SCN8A: variants seen among roughly 807,000 people sequenced by gnomAD.
The protein encoded by SCN8A is sodium voltage-gated channel alpha subunit 8, also known as sodium channel protein type 8 subunit alpha.
A neutral mutation model predicts 184.1 loss-of-function variants in SCN8A; 30 were observed. The observed-to-expected ratio is 0.16, with a 90% CI of 0.12 to 0.22. SCN8A has a LOEUF of 0.22. Ranked by LOEUF, SCN8A falls within the 10% of genes least tolerant of loss-of-function variation. The pLI is 1.00. For missense variants in SCN8A, 1,057 were observed against 2,498.9 expected (o/e 0.42, Z 12.30); for synonymous variants, 852 against 907.0 (o/e 0.94, Z 1.09).
rs1565923413 is a variant in SCN8A at position 51,780,561 on chromosome 12, C to CTTTTTTTTTTTTT, written c.3820-85_3820-84insTTTTTTTTTTTTT. 1.1e-5 allele frequency: 5 copies of CTTTTTTTTTTTTT among 457,856 alleles called. No homozygotes were observed. The African/African-American group carries it at 4.4e-4, about 40-fold the overall frequency. 28.4% of individuals were successfully genotyped at this position (457,856 alleles called of 1,614,324 possible). On this transcript the variant is annotated intron_variant, in intron 20 of 26. Coordinates refer to ENST00000627620, the MANE Select transcript of SCN8A (RefSeq NM_001330260.2). ...TCTAACACTCTGGAACCTCTGTTTT[C>CTTTTTTTTTTTTT]TTTCTTTTTTTTTTTTTTTTTTTTT...
At chr12:51,605,416 T>C (rs1939567474) in intron 1 of SCN8A, among the ~76,000 whole-genome samples, 1 of 152,228 alleles carries the variant, frequency 6.6e-6, no homozygotes, top group South Asian at 2.1e-4. Context: ...TCATTGCAAA[T>C]GCCGTTAATT....
chr12:51,781,325 T>C (rs952389223), intron 21 of SCN8A, among the ~76,000 whole-genome samples: 1 of 152,138 alleles, frequency 6.6e-6, no homozygotes, highest in Non-Finnish European at 1.5e-5. Flanking sequence ...ATTCCTCTTA[T>C]TGCACCTTGT....
At position 51,804,221 on chromosome 12, in the gene SCN8A, A is replaced by G. The variant is rs149583439; in HGVS notation, c.4796-2061A>G. On this transcript the variant is annotated intron_variant, in intron 26 of 26. Coordinates refer to ENST00000627620, the MANE Select transcript of SCN8A (RefSeq NM_001330260.2). ...TGAGGTGAATCCCTGGACGAATATA[A>G]CTAGAAAAAGGCGCTCCGATTTGTA... Among the ~76,000 whole-genome samples the G allele has an allele frequency of 1.6e-4, 25 of 152,270 alleles. No homozygotes were observed. In the East Asian group the frequency reaches 4.6e-3, roughly 28 times the overall value.
chr12:51,591,874 G>A (rs2138538489), intron 1 of SCN8A, among the ~76,000 whole-genome samples: 1 of 152,076 alleles, frequency 6.6e-6, no homozygotes, highest in African/African-American at 2.4e-5. Context: ...GGGCTCCTGG[G>A]TTCTTCCCGC....
At chr12:51,660,683 T>G (rs1230774342) in intron 1 of SCN8A, among the ~76,000 whole-genome samples, 1 of 152,234 alleles carries the variant, frequency 6.6e-6, no homozygotes, top group Admixed American at 6.5e-5. Context: ...ACTCTGTTTC[T>G]TTATCTGTTA....
intron 1 of SCN8A, among the ~76,000 whole-genome samples, chr12:51,611,705 G>A (rs1032106267): frequency 6.6e-6 from 1 of 152,056 alleles, no homozygotes; most frequent in Non-Finnish European, 1.5e-5. Context: ...CATTGGTCAG[G>A]CTGGTCTCGA....
chr12:51,607,512 C>T (rs1665462753), intron 1 of SCN8A, among the ~76,000 whole-genome samples: 1 of 152,060 alleles, frequency 6.6e-6, no homozygotes, highest in Non-Finnish European at 1.5e-5. Flanking sequence ...TGTTCCAGTT[C>T]TCAGAGGGAA....
intron 25 of SCN8A, among the ~76,000 whole-genome samples, chr12:51,790,745 T>C (rs897903223): frequency 6.6e-6 from 1 of 152,138 alleles, no homozygotes; most frequent in Non-Finnish European, 1.5e-5. Context: ...AGAATCAGCA[T>C]GTGAACCACA....
chr12:51,772,855 A>G (rs985233603), intron 19 of SCN8A, among the ~76,000 whole-genome samples: 59 of 131,304 alleles, frequency 4.5e-4, no homozygotes, highest in African/African-American at 1.4e-3. Flanking sequence ...GGTGTCTCAC[A>G]CCTGTAATCC....
In SCN8A at chr12:51,788,608, A is replaced by T. The variant is rs186161402; in HGVS notation, c.4228-87A>T. ...AAACCCCTGTTCTGTGTTCTCACTG[A>T]ACCTAAGCCTGGCCTTTGGGACCCC... On this transcript the variant is annotated intron_variant, in intron 22 of 26. Transcript: ENST00000627620. 1.4e-5 allele frequency: 14 copies of T among 979,972 alleles called. No homozygotes were observed. In the African/African-American group the frequency reaches 2.1e-4, roughly 15 times the overall value. 60.7% of individuals were successfully genotyped at this position (979,972 alleles called of 1,614,324 possible). A position where few individuals can be genotyped will look rare whatever the true frequency, so the allele number is the denominator to read the frequency against.
At chr12:51,653,849 G>A (rs767221556) in intron 1 of SCN8A, among the ~76,000 whole-genome samples, 2 of 152,128 alleles carry the variant, frequency 1.3e-5, no homozygotes, top group Non-Finnish European at 2.9e-5. Flanking sequence ...GTGTGTATGT[G>A]TTTTTAGGTA....
intron 11 of SCN8A, among the ~76,000 whole-genome samples, chr12:51,709,007 G>A (rs1941828770): frequency 6.6e-6 from 1 of 152,154 alleles, no homozygotes; most frequent in Non-Finnish European, 1.5e-5. Context: ...AGATATGCTG[G>A]GGGTGTTAGA....
chr12:51,728,570 C>CA (rs1479938316), intron 12 of SCN8A, among the ~76,000 whole-genome samples: 2 of 151,778 alleles, frequency 1.3e-5, no homozygotes, highest in East Asian at 1.9e-4. Context: ...CTCATCTCTT[C>CA]AAAAAAATTA....
chr12:51,606,200 T>G (rs180780764), intron 1 of SCN8A, among the ~76,000 whole-genome samples: 1 of 152,350 alleles, frequency 6.6e-6, no homozygotes, highest in Admixed American at 6.5e-5. Flanking sequence ...ATTGTTATCT[T>G]CTAGAATTTT....
chr12:51,626,134 G>A (rs59594059), intron 1 of SCN8A, among the ~76,000 whole-genome samples: 3,381 of 152,288 alleles, frequency 0.022, 188 homozygotes, highest in East Asian at 0.18. Context: ...GCAAGGCAGG[G>A]CAGGAGAAAC....
At chr12:51,718,863 A>C (rs1942006603) in intron 11 of SCN8A, among the ~76,000 whole-genome samples, 1 of 152,198 alleles carries the variant, frequency 6.6e-6, no homozygotes, top group African/African-American at 2.4e-5. Context: ...ATTAGTAAAT[A>C]ATACAGCTTT....
At chr12:51,775,284 G>A (rs937792840) in intron 20 of SCN8A, among the ~76,000 whole-genome samples, 1 of 152,216 alleles carries the variant, frequency 6.6e-6, no homozygotes, top group African/African-American at 2.4e-5. Context: ...TTGGCTGCAT[G>A]GTGAACTACC....
intron 12 of SCN8A, among the ~76,000 whole-genome samples, chr12:51,726,140 G>C (rs1942151794): frequency 6.6e-6 from 1 of 152,192 alleles, no homozygotes. Flanking sequence ...AGTTGTGATT[G>C]AGTGTTGAGA....
At chr12:51,711,192 CT>C (rs923718843) in intron 11 of SCN8A, among the ~76,000 whole-genome samples, 1 of 152,186 alleles carries the variant, frequency 6.6e-6, no homozygotes, top group Non-Finnish European at 1.5e-5. Flanking sequence ...GCTGTTAACG[CT>C]TTGCTATTGA....
Sources: gnomAD v4.1 joint callset for allele counts (sites outside exome capture counted in the v4.1 genomes callset) on GRCh38, gnomAD v4.1.1 for gene constraint, MANE v1.5 for transcripts, NCBI Gene and HGNC (gene_info 2026-07-23, HGNC 2026-07-21) for gene names.